The following FNBP1L variants were observed in gnomAD, a reference collection of about 807,000 sequenced individuals.
FNBP1L encodes the protein formin binding protein 1 like.
FNBP1L carries 36 observed loss-of-function variants against 91.2 expected under a neutral mutation model. The observed-to-expected ratio is 0.39, with a 90% CI of 0.30 to 0.52. FNBP1L has a LOEUF of 0.52. Among genes scored for constraint, FNBP1L ranks in the 20% least tolerant of loss-of-function variants. The pLI is 0.66. For synonymous variants in FNBP1L, 242 were observed against 237.0 expected, an observed-to-expected ratio of 1.02 and a Z score of -0.19; for missense variants, 571 against 732.1, an observed-to-expected ratio of 0.78 and a Z score of 2.54.
chr1:93,514,516 T>C (rs546172195), intron 2 of FNBP1L, among the ~76,000 whole-genome samples: 43 of 152,070 alleles, frequency 2.8e-4, no homozygotes, highest in African/African-American at 1.0e-3. Context: ...GACTTCAAAC[T>C]ATACTACAAG....
At position 93,481,419 on chromosome 1, in the gene FNBP1L, A is replaced by G. The variant is rs987427817; in HGVS notation, c.25-18049A>G. Among the ~76,000 whole-genome samples the G allele has an allele frequency of 1.1e-4, 16 of 152,234 alleles. No individual in the cohort carries two copies. The South Asian group carries it at 1.2e-3, about 12-fold the overall frequency. On this transcript the variant is annotated intron_variant, in intron 1 of 16. Coordinates refer to ENST00000271234, the MANE Select transcript of FNBP1L (RefSeq NM_001164473.3). ...AACTACTTAGTATTAACACCATAAG[A>G]AAGGAAAACAATATTGATGTCTGAC...
At chr1:93,543,043 C>CT (rs1672104255) in intron 11 of FNBP1L, among the ~76,000 whole-genome samples, 1 of 152,166 alleles carries the variant, frequency 6.6e-6, no homozygotes, top group Non-Finnish European at 1.5e-5. Flanking sequence ...ATCCACCCGC[C>CT]TCAGCCTCCC....
chr1:93,501,991 A>C (rs1670454202), intron 2 of FNBP1L, among the ~76,000 whole-genome samples: 1 of 152,180 alleles, frequency 6.6e-6, no homozygotes, highest in South Asian at 2.1e-4. Context: ...TCAGTAGAAG[A>C]ATGATGAAAA....
intron 16 of FNBP1L, 177 bp downstream of exon 16, chr1:93,551,282 C>T: frequency 7.9e-7 from 1 of 1,266,166 alleles, no homozygotes; most frequent in East Asian, 2.9e-5. Flanking sequence ...GTGAATATTA[C>T]CACAAGAAAC....
rs1668331356 is a variant in FNBP1L at position 93,448,163 on chromosome 1, C to T, written c.-119C>T. ...CTGGGGAGCCCGGCGGTGGCGGCACCTTTCGAGGTAGACCCGCTGAGCTGC... is the reference window on the plus strand; with the variant it reads ...CTGGGGAGCCCGGCGGTGGCGGCACTTTTCGAGGTAGACCCGCTGAGCTGC... On this transcript the variant is annotated 5_prime_UTR_variant, in exon 1 of 17. Transcript: ENST00000271234. 4 of 1,331,032 alleles carry T rather than the reference C, an allele frequency of 3.0e-6. No homozygotes were observed. The highest frequency in any genetic ancestry group is 2.7e-5 in the Admixed American group (1 of 36,904). 82.5% of individuals were successfully genotyped at this position (1,331,032 alleles called of 1,614,324 possible).
chr1:93,481,978 G>T (rs1669720956), intron 1 of FNBP1L, among the ~76,000 whole-genome samples: 1 of 151,994 alleles, frequency 6.6e-6, no homozygotes, highest in African/African-American at 2.4e-5. Context: ...TGGGCAACAT[G>T]GCGAAACCCC....
At chr1:93,540,491 A>T (rs918842441) in intron 10 of FNBP1L, among the ~76,000 whole-genome samples, 4 of 152,146 alleles carry the variant, frequency 2.6e-5, no homozygotes, top group African/African-American at 9.7e-5. Context: ...TTAAATGTAC[A>T]TTTTAAAAGA....
chr1:93,546,911 G>A lies in FNBP1L; in HGVS notation c.1344G>A (p.Gln448=). ...AAATGGGGGATCCAGGGAGTTTGCA[G>A]CCTAAATTAGCAGAGACCATGAATA... ...NPQMGDPGSL[Q]PKLAETMNNI... Residue 448 remains glutamine (Q), a synonymous_variant, in exon 13 of 17, where the codon CAG becomes CAA. Transcript: ENST00000271234. 3.7e-6 allele frequency: 6 copies of A among 1,612,914 alleles called. No individual in the cohort carries two copies. The highest frequency in any genetic ancestry group is 4.2e-6 in the Non-Finnish European group (5 of 1,179,404).
chr1:93,525,528 A>C (rs1175880484), intron 5 of FNBP1L, among the ~76,000 whole-genome samples: 2 of 152,144 alleles, frequency 1.3e-5, no homozygotes, highest in Non-Finnish European at 2.9e-5. Context: ...TATCATCCTT[A>C]GTATCTGCCA....
intron 2 of FNBP1L, among the ~76,000 whole-genome samples, chr1:93,507,085 ACACACACACACACACACACACACT>A (rs1670645739): frequency 2.3e-5 from 3 of 130,430 alleles, no homozygotes; most frequent in South Asian, 2.7e-4. Context: ...ACACACACAC[ACACACACACACACACACACACACT>A]CTCTCTCTCT....
chr1:93,507,091 ACACACACACACACACACTCTCTCTCTCT>A (rs1246042300), intron 2 of FNBP1L, among the ~76,000 whole-genome samples: 49 of 129,904 alleles, frequency 3.8e-4, no homozygotes, highest in African/African-American at 1.5e-3. Flanking sequence ...ACACACACAC[ACACACACACACACACACTCTCTCTCTCT>A]CTCTCTCTCT....
At chr1:93,451,801 A>C (rs763216287) in intron 1 of FNBP1L, among the ~76,000 whole-genome samples, 42 of 151,852 alleles carry the variant, frequency 2.8e-4, no homozygotes, top group Non-Finnish European at 5.0e-4. Context: ...TCAGGTGCAC[A>C]CCACCATGCC....
intron 2 of FNBP1L, among the ~76,000 whole-genome samples, chr1:93,510,135 C>G (rs1253361819): frequency 6.6e-6 from 1 of 152,234 alleles, no homozygotes; most frequent in Non-Finnish European, 1.5e-5. Flanking sequence ...CTGCCTGCCT[C>G]TGTAGGCTCC....
chr1:93,453,312 A>G (rs557168329), intron 1 of FNBP1L, among the ~76,000 whole-genome samples: 4 of 152,312 alleles, frequency 2.6e-5, no homozygotes, highest in South Asian at 2.1e-4. Context: ...CATAATGACT[A>G]TAATAAGTTG....
chr1:93,506,630 C>T (rs1670624183), intron 2 of FNBP1L, among the ~76,000 whole-genome samples: 1 of 152,084 alleles, frequency 6.6e-6, no homozygotes, highest in African/African-American at 2.4e-5. Flanking sequence ...TATTGATCAC[C>T]TCTTAAACAG....
chr1:93,505,437 G>C (rs1324275735), intron 2 of FNBP1L, among the ~76,000 whole-genome samples: 2 of 152,118 alleles, frequency 1.3e-5, no homozygotes, highest in African/African-American at 4.8e-5. Context: ...TAGCAACTTA[G>C]AACTTTGTAA....
chr1:93,516,298 C>T (rs112300932), intron 2 of FNBP1L, among the ~76,000 whole-genome samples: 4,249 of 152,144 alleles, frequency 0.028, 201 homozygotes, highest in African/African-American at 0.096. Flanking sequence ...GGATTTGAAC[C>T]GGGGACCTCT....
At chr1:93,503,405 G>A (rs919402395) in intron 2 of FNBP1L, among the ~76,000 whole-genome samples, 3 of 152,110 alleles carry the variant, frequency 2.0e-5, no homozygotes, top group African/African-American at 4.8e-5. Flanking sequence ...TGAGATTTGG[G>A]TAAGGACACA....
chr1:93,485,280 C>T (rs1347434228), intron 1 of FNBP1L, among the ~76,000 whole-genome samples: 1 of 152,042 alleles, frequency 6.6e-6, no homozygotes, highest in Admixed American at 6.5e-5. Flanking sequence ...TTACTTCACA[C>T]AACAGATATG....
Sources: gnomAD v4.1 joint callset for allele counts (sites outside exome capture counted in the v4.1 genomes callset) on GRCh38, gnomAD v4.1.1 for gene constraint, MANE v1.5 for transcripts, NCBI Gene and HGNC (gene_info 2026-07-23, HGNC 2026-07-21) for gene names.